Variants in KIF16B observed in about 807,000 individuals in gnomAD.
KIF16B encodes kinesin-like protein KIF16B.
In KIF16B, 98 loss-of-function variants were observed where a neutral mutation model predicts 156.3. That is an observed-to-expected ratio of 0.63 (90% CI 0.53 to 0.74). The LOEUF is 0.74. Ranked by LOEUF, KIF16B falls within the 30% of genes least tolerant of loss-of-function variation. KIF16B has a pLI of 0.00. For missense variants in KIF16B, 1,421 were observed against 1,606.5 expected, an observed-to-expected ratio of 0.88 and a Z score of 1.97; for synonymous variants, 564 against 583.7, an observed-to-expected ratio of 0.97 and a Z score of 0.49.
Position 16,528,480 on chromosome 20 carries a change from GATT to G in KIF16B, c.48-43_48-41del, listed in dbSNP as rs1424370905. 5.0e-6 allele frequency: 7 copies of G among 1,397,686 alleles called. No individual in the cohort carries two copies. The Admixed American group carries it at 1.2e-4, about 24-fold the overall frequency. 86.6% of individuals were successfully genotyped at this position (1,397,686 alleles called of 1,614,324 possible). A position where few individuals can be genotyped will look rare whatever the true frequency, so the allele number is the denominator to read the frequency against. Reference sequence around the variant, plus strand: ...ATTCAGTAGTGGTTAGAAGAGAAAAGATTATTAAAAACAAAACAAAACTAAACC... The same window carrying G: ...ATTCAGTAGTGGTTAGAAGAGAAAAGATTAAAAACAAAACAAAACTAAACC... On this transcript the variant is annotated intron_variant, in intron 1 of 25. Transcript: ENST00000354981.
At chr20:16,444,717 C>A (rs1189044695) in intron 12 of KIF16B, among the ~76,000 whole-genome samples, 1 of 152,164 alleles carries the variant, frequency 6.6e-6, no homozygotes, top group Non-Finnish European at 1.5e-5. Context: ...ATGTATGTAA[C>A]CTGTCCACTG....
At chr20:16,507,810 A>G (rs2068831475) in intron 7 of KIF16B, 148 bp downstream of exon 7, 3 of 764,060 alleles carry the variant, frequency 3.9e-6, no homozygotes, top group Admixed American at 2.7e-5. Context: ...CGCACAGCAC[A>G]TGTTCAACTC....
intron 10 of KIF16B, among the ~76,000 whole-genome samples, chr20:16,502,806 C>T (rs1294500408): frequency 6.6e-6 from 1 of 152,180 alleles, no homozygotes; most frequent in South Asian, 2.1e-4. Context: ...AGGTTAAGCA[C>T]AAGAAACTGC....
chr20:16,548,950 G>A (rs2070520811), intron 1 of KIF16B, among the ~76,000 whole-genome samples: 5 of 150,250 alleles, frequency 3.3e-5, no homozygotes. Context: ...ATGGTCTAAA[G>A]TAAATAAGGA....
At chr20:16,383,038 G>A (rs781709060) in intron 17 of KIF16B, among the ~76,000 whole-genome samples, 3 of 152,122 alleles carry the variant, frequency 2.0e-5, no homozygotes, top group Non-Finnish European at 4.4e-5. Flanking sequence ...TTGACTTCCA[G>A]GTTGGAGTGC....
At chr20:16,349,593 A>G (rs2064296088) in intron 23 of KIF16B, among the ~76,000 whole-genome samples, 1 of 152,172 alleles carries the variant, frequency 6.6e-6, no homozygotes, top group South Asian at 2.1e-4. Flanking sequence ...AATACTGACA[A>G]TTCATGCAAA....
intron 3 of KIF16B, among the ~76,000 whole-genome samples, chr20:16,524,488 G>A (rs558549649): frequency 1.5e-4 from 23 of 152,160 alleles, no homozygotes; most frequent in South Asian, 1.5e-3. Flanking sequence ...ACCATCTCAC[G>A]CCAGTTAGAA....
intron 22 of KIF16B, chr20:16,367,209 C>G: frequency 6.2e-7 from 1 of 1,612,428 alleles, no homozygotes; most frequent in Non-Finnish European, 8.5e-7. Context: ...AAGTAAGTTT[C>G]CAGACCTCAG....
intron 3 of KIF16B, among the ~76,000 whole-genome samples, chr20:16,524,345 C>T: frequency 6.6e-6 from 1 of 151,994 alleles, no homozygotes; most frequent in East Asian, 1.9e-4. Context: ...ACAAACAACC[C>T]CATCAAAAAG....
intron 23 of KIF16B, among the ~76,000 whole-genome samples, chr20:16,341,938 G>A (rs1371530978): frequency 6.6e-6 from 1 of 152,188 alleles, no homozygotes; most frequent in Non-Finnish European, 1.5e-5. Flanking sequence ...CAGACAACGT[G>A]TGAATAAAGA....
Position 16,528,531 on chromosome 20 carries a change from C to T in KIF16B, c.48-91G>A, listed in dbSNP as rs190621919. 238 of 950,588 alleles carry T rather than the reference C, an allele frequency of 2.5e-4. 1 individual carries two copies. The highest frequency in any genetic ancestry group is 1.4e-3 in the Admixed American group (75 of 51,966). The allele number at this position is 950,588 out of a possible 1,614,324, so 58.9% of individuals were successfully genotyped here. On this transcript the variant is annotated intron_variant, in intron 1 of 25. Transcript: ENST00000354981. ...ACCCATTTGTTTTATTTACTTTTTA[C>T]GTTAGGAGTTTATTTTCAAATGGCA...
intron 17 of KIF16B, among the ~76,000 whole-genome samples, chr20:16,384,291 G>A (rs1402495141): frequency 6.6e-6 from 1 of 152,294 alleles, no homozygotes; most frequent in East Asian, 1.9e-4. Flanking sequence ...CTCCCGGTCT[G>A]TAAGTGACAG....
intron 12 of KIF16B, among the ~76,000 whole-genome samples, chr20:16,469,254 TAAAAAAAA>T (rs57114751): frequency 7.6e-5 from 5 of 66,080 alleles, no homozygotes; most frequent in Admixed American, 1.9e-4. Context: ...CCCTGTGTCT[TAAAAAAAA>T]AAAAAAAAAA....
rs191321701 is a variant in KIF16B, at chr20:16,289,862, T to C, written c.3796-16451A>G. Among the ~76,000 whole-genome samples the C allele has an allele frequency of 3.4e-4, 51 of 151,942 alleles. No homozygotes were observed. The East Asian group carries it at 9.7e-3, about 29-fold the overall frequency. On this transcript the variant is annotated intron_variant, in intron 25 of 25. Transcript: ENST00000354981. ...TCTCAAAAACAAACAAAGAAAAGAG[T>C]TGTGTTAAAACAAAGAAGAGTAAAC... is the stretch of plus-strand genomic sequence containing the variant.
chr20:16,526,940 G>A (rs1330950194), intron 2 of KIF16B, among the ~76,000 whole-genome samples: 2 of 152,118 alleles, frequency 1.3e-5, no homozygotes, highest in Non-Finnish European at 2.9e-5. Context: ...ATCTGTTCTG[G>A]TTACTCAAAC....
chr20:16,504,634 T>A, intron 9 of KIF16B, 87 bp from the exon 10 acceptor site: 2 of 1,098,910 alleles, frequency 1.8e-6, no homozygotes, highest in Non-Finnish European at 2.7e-6. Context: ...AAAGTCAGAT[T>A]AACCCCAGGT....
At chr20:16,451,947 G>C (rs2067092901) in intron 12 of KIF16B, among the ~76,000 whole-genome samples, 1 of 152,100 alleles carries the variant, frequency 6.6e-6, no homozygotes, top group African/African-American at 2.4e-5. Context: ...ATGAAAAGCA[G>C]CTGGAAGAGT....
Position 16,406,474 on chromosome 20 carries a change from C to A in KIF16B, c.1613-18G>T, listed in dbSNP as rs2065789939. The stretch of plus-strand genomic sequence containing the variant: ...CACAGCACCTGAAAACACACAAAAA[C>A]AGTAATGAATTTACAGTAAGCAGTC... On this transcript the variant is annotated intron_variant, in intron 15 of 25. Transcript: ENST00000354981. 10 of 1,611,018 alleles carry A rather than the reference C, an allele frequency of 6.2e-6. No homozygotes were observed. Among genetic ancestry groups the A allele is most frequent in the Non-Finnish European group, 8.5e-6 (10 of 1,177,404 alleles).
At chr20:16,304,043 G>A (rs2063508275) in intron 25 of KIF16B, among the ~76,000 whole-genome samples, 1 of 152,198 alleles carries the variant, frequency 6.6e-6, no homozygotes, top group Admixed American at 6.5e-5. Context: ...GATTCCCTGA[G>A]TGGTTAGCCA....
Sources: allele counts gnomAD v4.1 joint callset (sites outside exome capture counted in the v4.1 genomes callset), GRCh38; gene constraint gnomAD v4.1.1; transcripts MANE v1.5; gene names NCBI Gene and HGNC (gene_info 2026-07-23, HGNC 2026-07-21).